TBC1D19: variants seen among roughly 807,000 people sequenced by gnomAD.
The protein encoded by TBC1D19 is TBC1 domain family, member 19.
TBC1D19 carries 60 observed loss-of-function variants against 89.0 expected under a neutral mutation model. The observed-to-expected ratio is 0.67, with a 90% CI of 0.55 to 0.84. TBC1D19 has a LOEUF of 0.84. TBC1D19 is among the 40% of genes least tolerant of loss of function. The pLI is 0.00. For missense variants in TBC1D19, 500 were observed against 610.8 expected (o/e 0.82, Z 1.91); for synonymous variants, 189 against 199.7 (o/e 0.95, Z 0.45).
intron 7 of TBC1D19, among the ~76,000 whole-genome samples, chr4:26,653,471 G>T (rs995320858): frequency 6.6e-6 from 1 of 152,012 alleles, no homozygotes; most frequent in Non-Finnish European, 1.5e-5. Context: ...TTGACAGTGG[G>T]GTGTTAAAGT....
the TBC1D19 span, among the ~76,000 whole-genome samples, chr4:26,792,407 A>G: frequency 6.6e-6 from 1 of 152,216 alleles, no homozygotes; most frequent in Non-Finnish European, 1.5e-5. Flanking sequence ...GATTGGGTGG[A>G]TTCAAGAAAG....
At chr4:26,616,506 GGCA>G (rs1291989048) in intron 3 of TBC1D19, among the ~76,000 whole-genome samples, 2 of 152,088 alleles carry the variant, frequency 1.3e-5, no homozygotes, top group African/African-American at 4.8e-5. Context: ...ATTTTTCATT[GGCA>G]GCAACCATTA....
chr4:26,617,862 G>A (rs1741794930), intron 3 of TBC1D19, among the ~76,000 whole-genome samples: 1 of 152,150 alleles, frequency 6.6e-6, no homozygotes, highest in Non-Finnish European at 1.5e-5. Flanking sequence ...ATATAGCATA[G>A]TTTGCTGTTA....
At chr4:26,638,538 C>G (rs1037954207) in intron 5 of TBC1D19, among the ~76,000 whole-genome samples, 36 of 152,032 alleles carry the variant, frequency 2.4e-4, no homozygotes, top group Non-Finnish European at 1.5e-5. Context: ...CACTTACCTT[C>G]TTTTATTGGA....
intron 13 of TBC1D19, among the ~76,000 whole-genome samples, chr4:26,694,983 C>T (rs1341938845): frequency 2.0e-5 from 3 of 152,188 alleles, no homozygotes; most frequent in Non-Finnish European, 4.4e-5. Context: ...AAAGTCAGAG[C>T]ACCACTCCCC....
upstream of TBC1D19, among the ~76,000 whole-genome samples, chr4:26,579,716 G>A (rs1188883854): frequency 6.7e-6 from 1 of 150,002 alleles, no homozygotes; most frequent in African/African-American, 2.5e-5. Flanking sequence ...GTGTCCATGT[G>A]TTCTCATTGT....
At chr4:26,807,398 G>C in the TBC1D19 span, among the ~76,000 whole-genome samples, 1 of 152,164 alleles carries the variant, frequency 6.6e-6, no homozygotes, top group African/African-American at 2.4e-5. Flanking sequence ...TGTCCCCCAC[G>C]GGCCAGGTGC....
At chr4:26,688,781 A>G (rs181003390) in intron 13 of TBC1D19, among the ~76,000 whole-genome samples, 1 of 152,262 alleles carries the variant, frequency 6.6e-6, no homozygotes, top group East Asian at 1.9e-4. Context: ...TGAAAAAATA[A>G]TGTTTCAAAA....
intron 13 of TBC1D19, among the ~76,000 whole-genome samples, 176 bp downstream of exon 13, chr4:26,688,583 A>G (rs1004432859): frequency 6.6e-6 from 1 of 152,104 alleles, no homozygotes; most frequent in Non-Finnish European, 1.5e-5. Context: ...GAAATTAGAT[A>G]GGAGAATAAG....
At chr4:26,815,484 G>A in the TBC1D19 span, among the ~76,000 whole-genome samples, 1 of 152,310 alleles carries the variant, frequency 6.6e-6, no homozygotes, top group Admixed American at 6.5e-5. Flanking sequence ...TAGTGAACAA[G>A]ACACATTCTG....
intron 18 of TBC1D19, among the ~76,000 whole-genome samples, chr4:26,745,662 A>G (rs1037765435): frequency 2.6e-5 from 4 of 151,338 alleles, no homozygotes; most frequent in African/African-American, 9.7e-5. Context: ...GCACGCCACC[A>G]TGCGCAGCTA....
intron 1 of TBC1D19, among the ~76,000 whole-genome samples, chr4:26,596,330 G>A (rs905075967): frequency 1.3e-5 from 2 of 152,128 alleles, no homozygotes; most frequent in African/African-American, 4.8e-5. Flanking sequence ...CTGATAGGTT[G>A]CATTTTTCAA....
chr4:26,844,013 A>T, the TBC1D19 span, among the ~76,000 whole-genome samples: 3 of 152,184 alleles, frequency 2.0e-5, no homozygotes, highest in Non-Finnish European at 4.4e-5. Flanking sequence ...AACACCTCCT[A>T]CCATGTCCAC....
At chr4:26,857,705 G>C in the TBC1D19 span, 1 of 152,144 alleles carries the variant, frequency 6.6e-6, no homozygotes, top group Non-Finnish European at 1.5e-5. Flanking sequence ...CTGCGGTGGC[G>C]CAGGCGCCCT....
At chr4:26,641,348 G>A (rs1198857030) in intron 7 of TBC1D19, among the ~76,000 whole-genome samples, 4 of 152,190 alleles carry the variant, frequency 2.6e-5, no homozygotes, top group Non-Finnish European at 5.9e-5. Flanking sequence ...ACTGTTAGAA[G>A]GAAAACTAAC....
chr4:26,676,644 G>A (rs778037237), intron 11 of TBC1D19, among the ~76,000 whole-genome samples: 1 of 151,628 alleles, frequency 6.6e-6, no homozygotes, highest in Non-Finnish European at 1.5e-5. Flanking sequence ...TCGTGAACCC[G>A]GGAGGCAGAG....
chr4:26,650,504 ATGTCTTCTTTGGAGAAG>A (rs1744288720), intron 7 of TBC1D19, among the ~76,000 whole-genome samples: 1 of 152,296 alleles, frequency 6.6e-6, no homozygotes, highest in South Asian at 2.1e-4. Flanking sequence ...GGCTGTATAA[ATGTCTTCTTTGGAGAAG>A]TGTCTGTTCA....
the TBC1D19 span, among the ~76,000 whole-genome samples, chr4:26,799,797 A>G: frequency 5.9e-5 from 9 of 152,178 alleles, no homozygotes; most frequent in African/African-American, 2.2e-4. Context: ...TGTTGTTTAT[A>G]CATTACCCAC....
intron 18 of TBC1D19, among the ~76,000 whole-genome samples, chr4:26,743,857 T>A (rs1349118533): frequency 6.6e-6 from 1 of 151,648 alleles, no homozygotes; most frequent in Non-Finnish European, 1.5e-5. Context: ...TTTACTAGGA[T>A]GAAGACATTT....
Sources: gnomAD v4.1 joint callset for allele counts (sites outside exome capture counted in the v4.1 genomes callset) on GRCh38, gnomAD v4.1.1 for gene constraint, MANE v1.5 for transcripts, NCBI Gene and HGNC (gene_info 2026-07-23, HGNC 2026-07-21) for gene names.